SLC24A4: variants seen among roughly 807,000 people sequenced by gnomAD.
SLC24A4 encodes the protein solute carrier family 24 member 4, also known as sodium/potassium/calcium exchanger 4.
SLC24A4 carries 53 observed loss-of-function variants against 79.0 expected under a neutral mutation model. That is an observed-to-expected ratio of 0.67 (90% CI 0.54 to 0.84). SLC24A4 has a LOEUF of 0.84. Among genes scored for constraint, SLC24A4 ranks in the 40% least tolerant of loss-of-function variants. The pLI is 0.00. For missense variants in SLC24A4, 731 were observed against 822.0 expected (o/e 0.89, Z 1.35); for synonymous variants, 323 against 323.8 (o/e 1.00, Z 0.03).
chr14:92,445,982 C>T (rs1040487382), intron 8 of SLC24A4, among the ~76,000 whole-genome samples: 47 of 152,124 alleles, frequency 3.1e-4, no homozygotes, highest in Admixed American at 1.6e-3. Flanking sequence ...GAATGGCTTG[C>T]GCCCAGGAGT....
At chr14:92,366,940 G>A (rs934166503) in intron 2 of SLC24A4, among the ~76,000 whole-genome samples, 8 of 152,162 alleles carry the variant, frequency 5.3e-5, no homozygotes, top group Non-Finnish European at 1.2e-4. Context: ...GGACTAGAAC[G>A]GGGTGTCTTG....
intron 2 of SLC24A4, among the ~76,000 whole-genome samples, chr14:92,376,760 T>C (rs1018569488): frequency 6.6e-6 from 1 of 152,192 alleles, no homozygotes; most frequent in African/African-American, 2.4e-5. Flanking sequence ...AAGGCAGTGA[T>C]TGGTTCTCAG....
chr14:92,456,458 G>T lies in SLC24A4; in HGVS notation c.1105G>T (p.Gly369Trp), dbSNP rs764528256. The T allele has an allele frequency of 6.2e-7, 1 of 1,614,090 alleles. No individual in the cohort carries two copies. Among genetic ancestry groups the T allele is most frequent in the African/African-American group, 1.3e-5 (1 of 74,932 alleles). Residue 369 changes from glycine (G) to tryptophan (W), a missense_variant, in exon 12 of 17, where the codon GGG becomes TGG. Coordinates refer to ENST00000532405, the MANE Select transcript of SLC24A4 (RefSeq NM_153646.4). The stretch of plus-strand genomic sequence containing the variant: ...TGTGAGCAGTAAGCCGCTTCAAAAC[G>T]GGAGGCACGAGAACATTGAGAACGG... ...NGVSSKPLQN[G>W]RHENIENGNV...
At chr14:92,340,901 G>A (rs1291403566) in intron 2 of SLC24A4, among the ~76,000 whole-genome samples, 1 of 152,178 alleles carries the variant, frequency 6.6e-6, no homozygotes, top group Non-Finnish European at 1.5e-5. Flanking sequence ...TTGGAGGCAT[G>A]TAAACAAAAT....
intron 2 of SLC24A4, among the ~76,000 whole-genome samples, chr14:92,368,295 G>A (rs1469111291): frequency 6.6e-6 from 1 of 152,212 alleles, no homozygotes; most frequent in Admixed American, 6.5e-5. Flanking sequence ...ACGTTCCCAG[G>A]AAAGCTTCAT....
At chr14:92,487,675 C>G (rs570090965) in intron 14 of SLC24A4, among the ~76,000 whole-genome samples, 1 of 152,252 alleles carries the variant, frequency 6.6e-6, no homozygotes, top group East Asian at 1.9e-4. Context: ...ACTGAGTGAT[C>G]TTTGATGTGA....
chr14:92,427,772 C>T (rs558562813), intron 2 of SLC24A4, among the ~76,000 whole-genome samples: 10 of 152,344 alleles, frequency 6.6e-5, no homozygotes, highest in Non-Finnish European at 1.2e-4. Flanking sequence ...AGCAGCGCTA[C>T]GGTCTGCATG....
intron 2 of SLC24A4, among the ~76,000 whole-genome samples, chr14:92,425,391 A>C (rs919394391): frequency 6.6e-6 from 1 of 152,228 alleles, no homozygotes; most frequent in South Asian, 2.1e-4. Context: ...ACCTCACTAC[A>C]GGGAGCCTAT....
rs1238190131 is a variant in SLC24A4, at chr14:92,335,979, A to T, written c.241+10001A>T. Among the ~76,000 whole-genome samples the T allele has an allele frequency of 2.0e-5, 3 of 152,098 alleles. No homozygotes were observed. In the East Asian group the frequency reaches 5.8e-4, roughly 29 times the overall value. ...GCTTCTTGGTAGGTTTCTAATACCA[A>T]TTTGTTTGCAATCGGAAGTTTTTTT... is the stretch of plus-strand genomic sequence containing the variant. On this transcript the variant is annotated intron_variant, in intron 2 of 16. Transcript: ENST00000532405.
At chr14:92,424,948 G>A (rs72695169) in intron 2 of SLC24A4, among the ~76,000 whole-genome samples, 1 of 151,918 alleles carries the variant, frequency 6.6e-6, no homozygotes, top group African/African-American at 2.4e-5. Flanking sequence ...CACCACTTGC[G>A]CCCAGGGCAT....
chr14:92,463,839 C>T (rs916478010), intron 12 of SLC24A4, among the ~76,000 whole-genome samples: 5 of 152,154 alleles, frequency 3.3e-5, no homozygotes, highest in South Asian at 2.1e-4. Flanking sequence ...AACCACTAAC[C>T]GACTTCTTAT....
chr14:92,425,598 C>T (rs10431740), intron 2 of SLC24A4, among the ~76,000 whole-genome samples: 63,594 of 151,990 alleles, frequency 0.42, 13,528 homozygotes, highest in Non-Finnish European at 0.44. Context: ...CGTATTAATT[C>T]GGGCTCTGGC....
At chr14:92,449,281 TACACACACACACACAC>T (rs36228701) in intron 10 of SLC24A4, 65 bp downstream of exon 10, 465 of 869,464 alleles carry the variant, frequency 5.3e-4, no homozygotes, top group African/African-American at 1.7e-3. Flanking sequence ...CTCTTTTGTG[TACACACACACACACAC>T]ACACACACAC....
In SLC24A4 at chr14:92,495,653, G is replaced by A. The variant is rs1895897443; in HGVS notation, c.*2025G>A. On this transcript the variant is annotated 3_prime_UTR_variant, in exon 17 of 17. Coordinates refer to ENST00000532405, the MANE Select transcript of SLC24A4 (RefSeq NM_153646.4). The stretch of plus-strand genomic sequence containing the variant: ...CAAACTGCTCTGTGATGTATGTAGG[G>A]ATTATTCTCCCCACTTAACAGAAAG... 6.6e-6 allele frequency: 1 copy of A among 152,164 alleles called. No homozygotes were observed. Among genetic ancestry groups the A allele is most frequent in the African/African-American group, 2.4e-5 (1 of 41,428 alleles). The allele number at this position is 152,164 out of a possible 1,614,324, so 9.4% of individuals were successfully genotyped here. A position where few individuals can be genotyped will look rare whatever the true frequency, so the allele number is the denominator to read the frequency against.
intron 2 of SLC24A4, among the ~76,000 whole-genome samples, chr14:92,387,015 T>C (rs1889194567): frequency 6.6e-6 from 1 of 151,988 alleles, no homozygotes; most frequent in Admixed American, 6.5e-5. Flanking sequence ...CTTGTAGCTC[T>C]GCACCCTGGC....
At position 92,331,308 on chromosome 14, in the gene SLC24A4, G is replaced by C. The variant is rs113188672; in HGVS notation, c.241+5330G>C. On this transcript the variant is annotated intron_variant, in intron 2 of 16. Transcript: ENST00000532405. ...TTATTTATTTTTAAAAAATGAGACA[G>C]GGTCTCACTGTGTCACCCAGGCTGG... Among the ~76,000 whole-genome samples the C allele has an allele frequency of 8.3e-3, 1,269 of 152,230 alleles. 17 individuals carry two copies. The highest frequency in any genetic ancestry group is 0.029 in the African/African-American group (1,218 of 41,524).
chr14:92,349,550 A>G (rs942793539), intron 2 of SLC24A4, among the ~76,000 whole-genome samples: 4 of 152,248 alleles, frequency 2.6e-5, no homozygotes, highest in East Asian at 3.8e-4. Context: ...GTCAGAAATA[A>G]CACAGACAGA....
intron 2 of SLC24A4, among the ~76,000 whole-genome samples, chr14:92,420,589 C>G (rs916260814): frequency 2.6e-5 from 4 of 152,198 alleles, no homozygotes; most frequent in African/African-American, 9.7e-5. Flanking sequence ...AGGCTTTGAT[C>G]TGGGTGTTGG....
At chr14:92,492,104 A>G in intron 15 of SLC24A4, 71 bp from the exon 16 acceptor site, 1 of 1,399,954 alleles carries the variant, frequency 7.1e-7, no homozygotes, top group Non-Finnish European at 1.0e-6. Context: ...GGGCCCAGGC[A>G]TGCTGGGATT....
Sources: gnomAD v4.1 joint callset for allele counts (sites outside exome capture counted in the v4.1 genomes callset) on GRCh38, gnomAD v4.1.1 for gene constraint, MANE v1.5 for transcripts, NCBI Gene and HGNC (gene_info 2026-07-23, HGNC 2026-07-21) for gene names.